Variants in ADAM7 observed in about 807,000 individuals in gnomAD.
ADAM7 encodes ADAM metallopeptidase domain 7.
A neutral mutation model predicts 102.9 loss-of-function variants in ADAM7; 97 were observed. The observed-to-expected ratio is 0.94, with a 90% CI of 0.80 to 1.12. ADAM7 has a LOEUF of 1.12. Ranked by LOEUF, ADAM7 falls within the 50% of genes most tolerant of loss-of-function variation. The pLI is 0.00. For synonymous variants in ADAM7, 334 were observed against 304.4 expected (o/e 1.10, Z -1.01); for missense variants, 991 against 908.7 (o/e 1.09, Z -1.16).
In ADAM7 at chr8:24,500,812, G is replaced by T. The variant is rs770748847; in HGVS notation, c.2025G>T (p.Val675=). Residue 675 remains valine, a synonymous_variant, in exon 19 of 22, where the codon GTG becomes GTT. Coordinates refer to ENST00000175238, the MANE Select transcript of ADAM7 (RefSeq NM_003817.4). ...CAGATATCACCATCTTGGTTGTTGT[G>T]CTTGTCCTGGTTATTGTCGGTATCG... ...HVTNITILVV[V]LVLVIVGIGV... is the part of the protein sequence containing the mutation. 2 of 1,613,232 alleles carry T rather than the reference G, an allele frequency of 1.2e-6. No homozygotes were observed. Among genetic ancestry groups the T allele is most frequent in the South Asian group, 1.1e-5 (1 of 91,014 alleles).
Position 24,467,102 on chromosome 8 carries a change from G to C in ADAM7, c.579+114G>C, listed in dbSNP as rs1174864977. 6.8e-6 allele frequency: 7 copies of C among 1,032,780 alleles called. No individual in the cohort carries two copies. The Admixed American group carries it at 1.8e-4, about 27-fold the overall frequency. 64.0% of individuals were successfully genotyped at this position (1,032,780 alleles called of 1,614,324 possible). A position where few individuals can be genotyped will look rare whatever the true frequency, so the allele number is the denominator to read the frequency against. On this transcript the variant is annotated intron_variant, in intron 6 of 21. Coordinates refer to ENST00000175238, the MANE Select transcript of ADAM7 (RefSeq NM_003817.4). Reference sequence around the variant, plus strand: ...GAAATATATGTGCTACTTTCAGTCTGGCACTTCATCTGATATTTGAAATTG... The same window carrying C: ...GAAATATATGTGCTACTTTCAGTCTCGCACTTCATCTGATATTTGAAATTG...
rs142219351 is a variant in ADAM7 at position 24,465,729 on chromosome 8, C to A, written c.343C>A (p.His115Asn). 2.5e-6 allele frequency: 4 copies of A among 1,610,394 alleles called. No homozygotes were observed. The East Asian group carries it at 8.9e-5, about 36-fold the overall frequency. Residue 115 changes from histidine (H) to asparagine (N), a missense_variant, in exon 5 of 22, where the codon CAC becomes AAC. Coordinates refer to ENST00000175238, the MANE Select transcript of ADAM7 (RefSeq NM_003817.4). ...DHCFYQGSIVHEYDSAASIST... is the reference protein window; with the variant it reads ...DHCFYQGSIVNEYDSAASIST... ...TTGTTTTTACCAAGGATCCATAGTA[C>A]ACGAATATGATTCAGCTGCCAGTAT...
chr8:24,484,802 C>CTTTTTTT (rs544478529), intron 9 of ADAM7, among the ~76,000 whole-genome samples: 6 of 91,952 alleles, frequency 6.5e-5, no homozygotes, highest in Non-Finnish European at 1.0e-4. Flanking sequence ...ATTGCACTGG[C>CTTTTTTT]TTTTTTTTTT....
chr8:24,504,988 CTG>C (rs1210879368), intron 20 of ADAM7, among the ~76,000 whole-genome samples: 1 of 151,976 alleles, frequency 6.6e-6, no homozygotes, highest in Non-Finnish European at 1.5e-5. Flanking sequence ...TAAGTTTACA[CTG>C]AGATTTTCAG....
intron 7 of ADAM7, among the ~76,000 whole-genome samples, chr8:24,474,418 C>T (rs1686184409): frequency 6.6e-6 from 1 of 152,144 alleles, no homozygotes; most frequent in Non-Finnish European, 1.5e-5. Flanking sequence ...TTGCATTAAA[C>T]TGGGCTTTAG....
intron 13 of ADAM7, 115 bp downstream of exon 13, chr8:24,491,003 C>T: frequency 1.0e-6 from 1 of 973,106 alleles, no homozygotes; most frequent in Non-Finnish European, 1.6e-6. Context: ...TGAAGCTAGG[C>T]TTGCAAGTAC....
intron 20 of ADAM7, chr8:24,506,255 A>G (rs762593311): frequency 2.1e-6 from 2 of 942,022 alleles, no homozygotes; most frequent in Non-Finnish European, 3.2e-6. Context: ...AAAAGGACCA[A>G]TAATATAACA....
At position 24,500,247 on chromosome 8, in the gene ADAM7, C is replaced by T; in HGVS notation, c.1993C>T (p.His665Tyr). 4 of 1,609,050 alleles carry T rather than the reference C, an allele frequency of 2.5e-6. No individual in the cohort carries two copies. Among genetic ancestry groups the T allele is most frequent in the Non-Finnish European group, 2.6e-6 (3 of 1,176,002 alleles). ...ACCTGTAGCCTGTGAAGAAACCTTA[C>T]ATGTTACCAGTGAGCATCCTAAAAC... The part of the protein sequence containing the change: ...QAPVACEETL[H>Y]VTNITILVVV... The change falls in exon 18 of 22, where the codon CAT becomes TAT. Residue 665 changes from histidine (H) to tyrosine (Y), a missense_variant. His to Tyr is a moderately conservative substitution (Grantham distance 83). Transcript: ENST00000175238.
At chr8:24,483,790 A>AT (rs772247608) in intron 9 of ADAM7, among the ~76,000 whole-genome samples, 3 of 152,164 alleles carry the variant, frequency 2.0e-5, no homozygotes, top group Admixed American at 6.5e-5. Context: ...TTATACATGT[A>AT]TTTTTTAATA....
intron 8 of ADAM7, among the ~76,000 whole-genome samples, chr8:24,479,850 C>T (rs980043850): frequency 9.2e-5 from 14 of 152,194 alleles, no homozygotes; most frequent in African/African-American, 3.1e-4. Context: ...AGGGTTCAGG[C>T]ACACTTGTTG....
chr8:24,494,792 T>C (rs1228883654), intron 16 of ADAM7, among the ~76,000 whole-genome samples: 1 of 152,216 alleles, frequency 6.6e-6, no homozygotes, highest in Non-Finnish European at 1.5e-5. Flanking sequence ...TCTGTTGTTT[T>C]AGCAGGGCTT....
At chr8:24,505,036 CATTT>C (rs761400067) in intron 20 of ADAM7, among the ~76,000 whole-genome samples, 27 of 152,044 alleles carry the variant, frequency 1.8e-4, no homozygotes, top group Non-Finnish European at 3.1e-4. Context: ...AATTCTCATT[CATTT>C]GTCTTGAGGT....
chr8:24,496,546 C>A (rs1176916637), intron 16 of ADAM7, among the ~76,000 whole-genome samples: 1 of 152,176 alleles, frequency 6.6e-6, no homozygotes, highest in Non-Finnish European at 1.5e-5. Flanking sequence ...CTATATCCTG[C>A]AAAACCACAG....
In ADAM7 at chr8:24,473,112, T is replaced by C. The variant is rs28520836; in HGVS notation, c.634-3321T>C. On this transcript the variant is annotated intron_variant, in intron 7 of 21. Coordinates refer to ENST00000175238, the MANE Select transcript of ADAM7 (RefSeq NM_003817.4). ...CACCAGGAGCCTCAGATTCGTTTAG[T>C]GGCAAATTTTACCAAAGTTTTTTAT... Among the ~76,000 whole-genome samples the C allele has an allele frequency of 2.2e-3, 334 of 152,302 alleles. 2 individuals carry two copies. The highest frequency in any genetic ancestry group is 7.6e-3 in the African/African-American group (318 of 41,572).
At chr8:24,476,642 C>T (rs140840518) in intron 8 of ADAM7, 138 bp downstream of exon 8, 10 of 508,574 alleles carry the variant, frequency 2.0e-5, no homozygotes, top group Admixed American at 3.5e-5. Flanking sequence ...CAAAAATCCA[C>T]GGGAAAAAAT....
chr8:24,490,664 T>C (rs777955252), intron 12 of ADAM7, 135 bp from the exon 13 acceptor site: 58 of 794,714 alleles, frequency 7.3e-5, no homozygotes, highest in Admixed American at 2.8e-4. Context: ...GTAATCTTTA[T>C]GTATGTACCA....
chr8:24,486,889 G>T (rs1820162271), intron 10 of ADAM7, among the ~76,000 whole-genome samples: 1 of 152,106 alleles, frequency 6.6e-6, no homozygotes, highest in Non-Finnish European at 1.5e-5. Context: ...TTAGTTCATA[G>T]TTTTTAACTA....
intron 3 of ADAM7, among the ~76,000 whole-genome samples, chr8:24,452,529 T>G (rs1273805196): frequency 6.6e-6 from 1 of 152,026 alleles, no homozygotes; most frequent in South Asian, 2.1e-4. Flanking sequence ...CCTTTTATTT[T>G]GAGCCTATGT....
At chr8:24,448,125 GAGAGATTT>G (rs1373494378) in intron 3 of ADAM7, among the ~76,000 whole-genome samples, 2 of 152,112 alleles carry the variant, frequency 1.3e-5, no homozygotes. Flanking sequence ...AAGATTTATT[GAGAGATTT>G]CTATCTCTGT....
Sources: allele counts gnomAD v4.1 joint callset (sites outside exome capture counted in the v4.1 genomes callset), GRCh38; gene constraint gnomAD v4.1.1; transcripts MANE v1.5; gene names NCBI Gene and HGNC (gene_info 2026-07-23, HGNC 2026-07-21).